Variants in CACNA2D1 observed in about 807,000 individuals in gnomAD.
The protein encoded by CACNA2D1 is voltage-dependent calcium channel subunit alpha-2/delta-1.
CACNA2D1 carries 53 observed loss-of-function variants against 171.5 expected under a neutral mutation model. That is an observed-to-expected ratio of 0.31 (90% CI 0.25 to 0.39). The LOEUF (loss-of-function observed/expected upper bound fraction) is 0.39, where lower values mean the gene tolerates loss of function less well. Ranked by LOEUF, CACNA2D1 falls within the 10% of genes least tolerant of loss-of-function variation. The probability of loss-of-function intolerance (pLI) is 1.00; values close to 1 mark genes in which losing one functional copy is unlikely to be tolerated. For synonymous variants in CACNA2D1, 442 were observed against 443.1 expected (o/e 1.00, Z 0.03); for missense variants, 903 against 1,299.8 (o/e 0.69, Z 4.69).
At chr7:82,291,469 A>T (rs1811572428) in intron 3 of CACNA2D1, among the ~76,000 whole-genome samples, 2 of 134,498 alleles carry the variant, frequency 1.5e-5, no homozygotes, top group South Asian at 4.3e-4. Flanking sequence ...TAAATATATA[A>T]TATATAAAAA....
chr7:82,203,679 T>C (rs879830815), intron 3 of CACNA2D1, among the ~76,000 whole-genome samples: 1 of 152,172 alleles, frequency 6.6e-6, no homozygotes, highest in Non-Finnish European at 1.5e-5. Flanking sequence ...CTGGAGTCTA[T>C]AGCAGCGCAT....
intron 6 of CACNA2D1, among the ~76,000 whole-genome samples, chr7:82,088,215 C>T (rs1810714804): frequency 6.6e-6 from 1 of 152,022 alleles, no homozygotes; most frequent in African/African-American, 2.4e-5. Flanking sequence ...TGTGGTTATG[C>T]TGGTGCCTTT....
At chr7:82,221,827 A>G (rs1801806579) in intron 3 of CACNA2D1, among the ~76,000 whole-genome samples, 1 of 151,890 alleles carries the variant, frequency 6.6e-6, no homozygotes, top group South Asian at 2.1e-4. Flanking sequence ...TGATTTCAAG[A>G]TAAGTAATAA....
chr7:82,336,076 A>G (rs1817958548), intron 2 of CACNA2D1, among the ~76,000 whole-genome samples: 1 of 152,118 alleles, frequency 6.6e-6, no homozygotes, highest in Non-Finnish European at 1.5e-5. Flanking sequence ...TGAGAAGGAA[A>G]TCCCTCATGC....
At chr7:82,424,411 T>C (rs1829000735) in intron 1 of CACNA2D1, among the ~76,000 whole-genome samples, 1 of 152,204 alleles carries the variant, frequency 6.6e-6, no homozygotes, top group Admixed American at 6.5e-5. Flanking sequence ...CTCACTGAAA[T>C]GAAGAAATCA....
chr7:82,043,095 A>C (rs1273034791), intron 10 of CACNA2D1, among the ~76,000 whole-genome samples: 3 of 152,236 alleles, frequency 2.0e-5, no homozygotes, highest in African/African-American at 7.2e-5. Flanking sequence ...ATTAGAAGCC[A>C]GTATAAAATG....
intron 6 of CACNA2D1, among the ~76,000 whole-genome samples, chr7:82,107,364 G>A (rs1023252793): frequency 7.2e-5 from 11 of 152,024 alleles, no homozygotes; most frequent in South Asian, 2.1e-4. Context: ...TACAAGGCCC[G>A]CCATCTACCC....
chr7:81,960,749 G>C (rs997848736), intron 36 of CACNA2D1, among the ~76,000 whole-genome samples: 1 of 151,924 alleles, frequency 6.6e-6, no homozygotes, highest in Admixed American at 6.6e-5. Flanking sequence ...AATTGCTCTT[G>C]CTGGATGTCA....
chr7:82,038,037 T>G, intron 11 of CACNA2D1, 40 bp downstream of exon 11: 1 of 1,598,506 alleles, frequency 6.3e-7, no homozygotes, highest in Non-Finnish European at 8.6e-7. Context: ...ATACTACAAT[T>G]GAACAACAAC....
At chr7:82,217,211 T>G (rs1801201770) in intron 3 of CACNA2D1, among the ~76,000 whole-genome samples, 2 of 151,816 alleles carry the variant, frequency 1.3e-5, no homozygotes, top group African/African-American at 2.4e-5. Flanking sequence ...TACTTTGAAT[T>G]AATTGCAAGT....
intron 1 of CACNA2D1, among the ~76,000 whole-genome samples, chr7:82,388,010 G>A (rs113427320): frequency 1.9e-3 from 284 of 149,980 alleles, no homozygotes; most frequent in Non-Finnish European, 3.4e-3. Context: ...TTAAGCCCAC[G>A]AGGTTCAAGC....
At chr7:82,179,000 T>C (rs1055400329) in intron 3 of CACNA2D1, among the ~76,000 whole-genome samples, 2 of 152,148 alleles carry the variant, frequency 1.3e-5, no homozygotes, top group Non-Finnish European at 2.9e-5. Context: ...CACCAAGTCA[T>C]CGTCATTCAG....
intron 3 of CACNA2D1, among the ~76,000 whole-genome samples, chr7:82,177,795 A>G (rs370512620): frequency 2.8e-4 from 43 of 152,248 alleles, no homozygotes; most frequent in African/African-American, 9.1e-4. Flanking sequence ...CAACTTAACC[A>G]AAGACATGTT....
intron 3 of CACNA2D1, among the ~76,000 whole-genome samples, chr7:82,214,483 T>C (rs185407479): frequency 2.6e-4 from 39 of 151,748 alleles, no homozygotes; most frequent in African/African-American, 9.2e-4. Context: ...CCATCAACTG[T>C]TAAAAATCCC....
At position 82,426,951 on chromosome 7, in the gene CACNA2D1, CTG is replaced by C. The variant is rs1023472668; in HGVS notation, c.95+16412_95+16413del. On this transcript the variant is annotated intron_variant, in intron 1 of 38. Coordinates refer to ENST00000356860, the MANE Select transcript of CACNA2D1 (RefSeq NM_000722.4). ...CTTTTATTACAGTGTATTGTTATAA[CTG>C]TTCCATTTTATTAGTTGTTTTAATC... Among the ~76,000 whole-genome samples, 66 of 152,306 alleles carry C rather than the reference CTG, an allele frequency of 4.3e-4. 1 individual carries two copies. Among genetic ancestry groups the C allele is most frequent in the South Asian group, 4.1e-4 (2 of 4,830 alleles).
rs933357287 is a variant in CACNA2D1 at position 81,996,114 on chromosome 7, T to C, written c.1662+1065A>G. ...CTCAAAAATAATAAAGACTTTACCA[T>C]GAACCAGGCCTTTTGCTAAGTCCTT... On this transcript the variant is annotated intron_variant, in intron 19 of 38. Coordinates refer to ENST00000356860, the MANE Select transcript of CACNA2D1 (RefSeq NM_000722.4). 2.6e-5 allele frequency among the ~76,000 whole-genome samples: 4 copies of C among 152,300 alleles called. No individual in the cohort carries two copies. The East Asian group carries it at 7.7e-4, about 29-fold the overall frequency.
intron 5 of CACNA2D1, among the ~76,000 whole-genome samples, chr7:82,119,966 C>G (rs2108081): frequency 0.62 from 94,408 of 152,052 alleles, 30,110 homozygotes; most frequent in African/African-American, 0.78. Context: ...ACAATCACTT[C>G]AGGCCAGGAG....
chr7:82,349,405 C>G (rs1234845996), intron 2 of CACNA2D1, among the ~76,000 whole-genome samples, 163 bp downstream of exon 2: 1 of 152,156 alleles, frequency 6.6e-6, no homozygotes, highest in African/African-American at 2.4e-5. Context: ...ATTTCCTGTT[C>G]ACAGTAACTA....
chr7:82,294,028 T>C (rs1426120244), intron 3 of CACNA2D1, among the ~76,000 whole-genome samples: 1 of 152,136 alleles, frequency 6.6e-6, no homozygotes, highest in African/African-American at 2.4e-5. Context: ...TTTTATCATC[T>C]TTATCCTCAC....
Sources: gnomAD v4.1 joint callset for allele counts (sites outside exome capture counted in the v4.1 genomes callset) on GRCh38, gnomAD v4.1.1 for gene constraint, MANE v1.5 for transcripts, NCBI Gene and HGNC (gene_info 2026-07-23, HGNC 2026-07-21) for gene names.